Variants in RASGRP3 observed in about 807,000 individuals in gnomAD.
The protein encoded by RASGRP3 is ras guanyl-releasing protein 3.
A neutral mutation model predicts 82.7 loss-of-function variants in RASGRP3; 54 were observed. The ratio of observed to expected loss-of-function variants is 0.65; its 90% CI spans 0.52 to 0.82. The LOEUF (loss-of-function observed/expected upper bound fraction) is 0.82, where lower values mean the gene tolerates loss of function less well. Ranked by LOEUF, RASGRP3 falls within the 40% of genes least tolerant of loss-of-function variation. The pLI, the probability that RASGRP3 is intolerant of heterozygous loss-of-function variation, is 0.00. For synonymous variants in RASGRP3, 309 were observed against 300.5 expected (o/e 1.03, Z -0.29); for missense variants, 861 against 828.9 (o/e 1.04, Z -0.48).
At chr2:33,477,035 T>G (rs12613020) in intron 1 of RASGRP3, among the ~76,000 whole-genome samples, 70,828 of 151,422 alleles carry the variant, frequency 0.47, 17,440 homozygotes, top group Non-Finnish European at 0.55. Context: ...CCATGGTGTT[T>G]AGGTTCAAAG....
Position 33,543,696 on chromosome 2 carries a change from AG to A in RASGRP3, c.1394+72del. Reference sequence around the variant, plus strand: ...CAGAAAATTATTATCAGAGGAGAGAAGGGAAACTTGTAATTTGCATCTTGAC... The same window carrying A: ...CAGAAAATTATTATCAGAGGAGAGAAGGAAACTTGTAATTTGCATCTTGAC... On this transcript the variant is annotated intron_variant, in intron 13 of 17. Transcript: ENST00000403687. 3.5e-6 allele frequency: 4 copies of A among 1,127,170 alleles called. No individual in the cohort carries two copies. The South Asian group carries it at 4.4e-5, about 12-fold the overall frequency. 69.8% of individuals were successfully genotyped at this position (1,127,170 alleles called of 1,614,324 possible).
chr2:33,471,484 A>G (rs757607769), intron 2 of RASGRP3, among the ~76,000 whole-genome samples: 2 of 149,802 alleles, frequency 1.3e-5, no homozygotes, highest in Non-Finnish European at 3.0e-5. Flanking sequence ...TCCCAGCCTT[A>G]TTTTTTACAT....
At chr2:33,513,575 A>G (rs1469693070) in intron 2 of RASGRP3, among the ~76,000 whole-genome samples, 3 of 152,210 alleles carry the variant, frequency 2.0e-5, no homozygotes, top group South Asian at 2.1e-4. Flanking sequence ...TGAATCCTCA[A>G]TGGCTGCATT....
At chr2:33,495,808 G>C (rs1669253550) in intron 1 of RASGRP3, among the ~76,000 whole-genome samples, 1 of 152,172 alleles carries the variant, frequency 6.6e-6, no homozygotes, top group African/African-American at 2.4e-5. Context: ...AAAGAGAAAA[G>C]GCACATAGTG....
intron 1 of RASGRP3, among the ~76,000 whole-genome samples, chr2:33,497,787 A>G (rs10166200): frequency 0.28 from 42,467 of 152,134 alleles, 6,196 homozygotes; most frequent in African/African-American, 0.35. Flanking sequence ...ATATCATTGA[A>G]TGGTTTGGGT....
At chr2:33,472,491 A>C (rs901059187), upstream of RASGRP3, among the ~76,000 whole-genome samples, 1 of 152,186 alleles carries the variant, frequency 6.6e-6, no homozygotes, top group South Asian at 2.1e-4. Flanking sequence ...CTTCAGTAAT[A>C]AATCAGAACA....
chr2:33,533,919 A>G (rs1024368364), intron 10 of RASGRP3: 2 of 178,642 alleles, frequency 1.1e-5, no homozygotes, highest in African/African-American at 4.7e-5. Context: ...AAATAATAGG[A>G]GCCTAGTTAA....
chr2:33,563,094 T>C lies in RASGRP3; in HGVS notation c.*357T>C. 3.8e-6 allele frequency: 1 copy of C among 262,570 alleles called. No individual in the cohort carries two copies. Among genetic ancestry groups the C allele is most frequent in the Non-Finnish European group, 7.1e-6 (1 of 140,418 alleles). The allele number at this position is 262,570 out of a possible 1,614,324, so 16.3% of individuals were successfully genotyped here. ...CAGTCTGTAAACTCAGACTTCGCTT[T>C]TTTTGTGAGACTATCCTTTCAATAT... On this transcript the variant is annotated 3_prime_UTR_variant, in exon 18 of 18. Transcript: ENST00000403687.
At chr2:33,497,690 A>T (rs1304234779) in intron 1 of RASGRP3, among the ~76,000 whole-genome samples, 2 of 152,206 alleles carry the variant, frequency 1.3e-5, no homozygotes, top group African/African-American at 4.8e-5. Context: ...TTGCAGGAAG[A>T]TATGTGTCTT....
chr2:33,564,413 C>G lies in RASGRP3; in HGVS notation c.*1676C>G, dbSNP rs893395078. On this transcript the variant is annotated 3_prime_UTR_variant, in exon 18 of 18. Transcript: ENST00000403687. ...TAAAGCACTCAGAAGGCAGCCATCC[C>G]TAGATGTTGGTTTCATGTATATTAC... 7.9e-5 allele frequency: 12 copies of G among 152,154 alleles called. No individual in the cohort carries two copies. Among genetic ancestry groups the G allele is most frequent in the African/African-American group, 2.9e-4 (12 of 41,432 alleles). The allele number at this position is 152,154 out of a possible 1,614,324, so 9.4% of individuals were successfully genotyped here.
intron 1 of RASGRP3, among the ~76,000 whole-genome samples, chr2:33,445,547 G>T (rs983084167): frequency 2.5e-4 from 38 of 152,038 alleles, no homozygotes; most frequent in African/African-American, 8.5e-4. Flanking sequence ...TAGAAACAAA[G>T]TTATAAATAG....
rs1267703534 is a variant in RASGRP3 at position 33,563,648 on chromosome 2, A to T, written c.*911A>T. 2 of 152,172 alleles carry T rather than the reference A, an allele frequency of 1.3e-5. No individual in the cohort carries two copies. Among genetic ancestry groups the T allele is most frequent in the Non-Finnish European group, 2.9e-5 (2 of 68,012 alleles). The allele number at this position is 152,172 out of a possible 1,614,324, so 9.4% of individuals were successfully genotyped here. ...AAGCTACTAGGTGAAATGCAAAACA[A>T]CCATCAATTTTTTTAAACTCAATAA... On this transcript the variant is annotated 3_prime_UTR_variant, in exon 18 of 18. Transcript: ENST00000403687.
chr2:33,471,022 G>A (rs1459409521), intron 2 of RASGRP3, among the ~76,000 whole-genome samples: 1 of 151,992 alleles, frequency 6.6e-6, no homozygotes, highest in Non-Finnish European at 1.5e-5. Context: ...TCTTGTTTCT[G>A]ATTTTAACAT....
At chr2:33,455,485 G>T (rs1665990131) in intron 2 of RASGRP3, among the ~76,000 whole-genome samples, 1 of 152,236 alleles carries the variant, frequency 6.6e-6, no homozygotes, top group Non-Finnish European at 1.5e-5. Context: ...TATCTGGAGA[G>T]ATGCTGCTTA....
At chr2:33,530,378 T>C (rs149619661) in intron 10 of RASGRP3, among the ~76,000 whole-genome samples, 38 of 152,274 alleles carry the variant, frequency 2.5e-4, no homozygotes, top group African/African-American at 8.7e-4. Flanking sequence ...TAACTTTCTG[T>C]AATAGTTAAT....
chr2:33,436,999 C>A (rs532942569), intron 1 of RASGRP3, among the ~76,000 whole-genome samples: 3 of 151,866 alleles, frequency 2.0e-5, no homozygotes, highest in South Asian at 4.2e-4. Flanking sequence ...AATAAATAGG[C>A]CTTCAAGCAG....
At chr2:33,457,266 T>C (rs1666091687) in intron 2 of RASGRP3, among the ~76,000 whole-genome samples, 3 of 152,202 alleles carry the variant, frequency 2.0e-5, no homozygotes, top group Admixed American at 2.0e-4. Flanking sequence ...TATAAATGAA[T>C]ATACTCAACT....
At chr2:33,486,747 A>G (rs1428991138) in intron 1 of RASGRP3, among the ~76,000 whole-genome samples, 8 of 152,194 alleles carry the variant, frequency 5.3e-5, no homozygotes, top group Admixed American at 3.3e-4. Context: ...AAAAGGATAA[A>G]AAGTCATTGT....
At chr2:33,487,536 G>T (rs2150952146) in intron 1 of RASGRP3, among the ~76,000 whole-genome samples, 1 of 152,292 alleles carries the variant, frequency 6.6e-6, no homozygotes, top group Admixed American at 6.5e-5. Context: ...AACCTATATA[G>T]GGAAAGGATT....
Sources: gnomAD v4.1 joint callset for allele counts (sites outside exome capture counted in the v4.1 genomes callset) on GRCh38, gnomAD v4.1.1 for gene constraint, MANE v1.5 for transcripts, NCBI Gene and HGNC (gene_info 2026-07-23, HGNC 2026-07-21) for gene names.